PDK1: variants seen among roughly 807,000 people sequenced by gnomAD.
PDK1 encodes the protein [Pyruvate dehydrogenase (acetyl-transferring)] kinase isozyme 1, mitochondrial.
PDK1 carries 39 observed loss-of-function variants against 54.2 expected under a neutral mutation model. The observed-to-expected ratio is 0.72, with a 90% confidence interval of 0.56 to 0.94. The LOEUF is 0.94. Ranked by LOEUF, PDK1 falls within the 40% of genes least tolerant of loss-of-function variation. PDK1 has a pLI of 0.00. For missense variants in PDK1, 552 were observed against 566.0 expected (o/e 0.98, Z 0.25); for synonymous variants, 221 against 207.1 (o/e 1.07, Z -0.58).
the PDK1 span, among the ~76,000 whole-genome samples, chr2:172,679,353 A>C: frequency 6.6e-6 from 1 of 152,050 alleles, no homozygotes; most frequent in Non-Finnish European, 1.5e-5. Flanking sequence ...AAGCTGTGGC[A>C]GGAGGATCAC....
the PDK1 span, among the ~76,000 whole-genome samples, chr2:172,673,291 C>T: frequency 3.3e-5 from 5 of 152,238 alleles, no homozygotes; most frequent in East Asian, 3.9e-4. Context: ...TGGAGTTGTA[C>T]GCATGTTCAA....
chr2:172,609,625 G>T (rs1467594103), downstream of PDK1, among the ~76,000 whole-genome samples: 2 of 152,206 alleles, frequency 1.3e-5, no homozygotes, highest in African/African-American at 2.4e-5. Context: ...GGAAGGAAAT[G>T]CGGACACTAG....
the PDK1 span, among the ~76,000 whole-genome samples, chr2:172,687,335 GTTTTTTTTTTTAAAAA>G: frequency 6.8e-6 from 1 of 146,950 alleles, no homozygotes; most frequent in Non-Finnish European, 1.5e-5. Context: ...TATTTAAGAA[GTTTTTTTTTTTAAAAA>G]AACATATTCT....
the PDK1 span, among the ~76,000 whole-genome samples, chr2:172,628,211 T>A: frequency 6.6e-6 from 1 of 152,238 alleles, no homozygotes; most frequent in African/African-American, 2.4e-5. Context: ...TACAAACCCT[T>A]ACCTGCTAGT....
chr2:172,595,658 C>T (rs1690849928), intron 10 of PDK1, among the ~76,000 whole-genome samples, 171 bp from the exon 11 acceptor site: 2 of 152,108 alleles, frequency 1.3e-5, no homozygotes, highest in South Asian at 2.1e-4. Flanking sequence ...ATAAATAACA[C>T]GTTTCAAATA....
chr2:172,563,788 T>C (rs1422312112), intron 3 of PDK1, among the ~76,000 whole-genome samples: 6 of 151,820 alleles, frequency 4.0e-5, no homozygotes, highest in Non-Finnish European at 8.8e-5. Flanking sequence ...GAGCCGAGAT[T>C]GCGCCATTGC....
chr2:172,682,953 G>T, the PDK1 span, among the ~76,000 whole-genome samples: 510 of 152,248 alleles, frequency 3.3e-3, 3 homozygotes, highest in African/African-American at 0.012. Flanking sequence ...TGACTTTATG[G>T]TTTTTGTGCT....
upstream of PDK1, chr2:172,556,070 C>T (rs1281723379): frequency 6.4e-6 from 7 of 1,101,056 alleles, no homozygotes; most frequent in Non-Finnish European, 7.1e-6. Flanking sequence ...CCCTGCTGCC[C>T]GCCACGTCCC....
chr2:172,633,484 A>G, the PDK1 span, among the ~76,000 whole-genome samples: 28,254 of 148,310 alleles, frequency 0.19, 2,782 homozygotes, highest in Non-Finnish European at 0.22. Context: ...TTTCCAAATT[A>G]CTGTATGCAC....
chr2:172,579,238 A>G lies in PDK1; in HGVS notation c.946-7040A>G, dbSNP rs745914774. ...CTAATTGTTTTTGACAGATGTTTCC[A>G]GGGATGGGGGTGGGGTGCAAGACTT... On this transcript the variant is annotated intron_variant, in intron 8 of 10. Coordinates refer to ENST00000282077, the MANE Select transcript of PDK1 (RefSeq NM_002610.5). 6.1e-4 allele frequency among the ~76,000 whole-genome samples: 92 copies of G among 152,020 alleles called. 1 individual carries two copies. Among genetic ancestry groups the G allele is most frequent in the Non-Finnish European group, 1.6e-4 (11 of 68,006 alleles).
intron 3 of PDK1, 56 bp downstream of exon 3, chr2:172,562,347 A>T: frequency 1.9e-6 from 2 of 1,070,568 alleles, no homozygotes; most frequent in Non-Finnish European, 1.4e-6. Flanking sequence ...ACTTGGGGGA[A>T]ATTGGTTAAC....
At chr2:172,639,468 G>A in the PDK1 span, among the ~76,000 whole-genome samples, 2 of 152,114 alleles carry the variant, frequency 1.3e-5, no homozygotes, top group African/African-American at 4.8e-5. Context: ...ACTACAAGAT[G>A]ATTTATAATA....
At chr2:172,639,178 G>T in the PDK1 span, among the ~76,000 whole-genome samples, 90 of 152,276 alleles carry the variant, frequency 5.9e-4, 1 homozygote, top group South Asian at 0.013. Context: ...GAGCCACCAT[G>T]CCTAGCCAAG....
At position 172,558,829 on chromosome 2, in the gene PDK1, C is replaced by G. The variant is rs758087109; in HGVS notation, c.318C>G (p.Ser106=). The G allele has an allele frequency of 2.5e-6, 4 of 1,611,776 alleles. No homozygotes were observed. The Admixed American group carries it at 6.7e-5, about 27-fold the overall frequency. The change falls in exon 2 of 11, where the codon TCC becomes TCG. Residue 106 remains serine, a synonymous_variant. Transcript: ENST00000282077. ...CAGATAATCTTCTCAGGACACCATC[C>G]GTTCAATTGGTACAAAGCTGGTAAG... ...LLPDNLLRTP[S]VQLVQSWYIQ...
At chr2:172,619,563 T>A in the PDK1 span, among the ~76,000 whole-genome samples, 7 of 152,180 alleles carry the variant, frequency 4.6e-5, no homozygotes, top group South Asian at 1.5e-3. Context: ...GCGGTAACAG[T>A]CTTTCCCTGA....
At chr2:172,682,354 A>C in the PDK1 span, among the ~76,000 whole-genome samples, 4 of 152,194 alleles carry the variant, frequency 2.6e-5, no homozygotes, top group Admixed American at 2.6e-4. Flanking sequence ...CTGAAGGTGA[A>C]ATGGAGAGCC....
At chr2:172,693,186 G>A in the PDK1 span, among the ~76,000 whole-genome samples, 1 of 152,242 alleles carries the variant, frequency 6.6e-6, no homozygotes, top group African/African-American at 2.4e-5. Flanking sequence ...TCACTGTGGT[G>A]ATAGGAAAAA....
chr2:172,573,705 T>G (rs1689422822), intron 8 of PDK1, among the ~76,000 whole-genome samples: 1 of 151,986 alleles, frequency 6.6e-6, no homozygotes, highest in Non-Finnish European at 1.5e-5. Context: ...CCTGATGAGA[T>G]GTATGATTTG....
intron 8 of PDK1, among the ~76,000 whole-genome samples, chr2:172,575,014 C>G (rs897332323): frequency 5.3e-5 from 8 of 151,988 alleles, no homozygotes; most frequent in Admixed American, 2.0e-4. Flanking sequence ...TTCATAGATA[C>G]CCTTTATCAG....
Sources: gnomAD v4.1 joint callset for allele counts (sites outside exome capture counted in the v4.1 genomes callset) on GRCh38, gnomAD v4.1.1 for gene constraint, MANE v1.5 for transcripts, NCBI Gene and HGNC (gene_info 2026-07-23, HGNC 2026-07-21) for gene names.